CREBRF: variants seen among roughly 807,000 people sequenced by gnomAD.
CREBRF encodes the protein CREB3 regulatory factor, also known as UPF0474 protein C5orf41.
A neutral mutation model predicts 66.1 loss-of-function variants in CREBRF; 5 were observed. The ratio of observed to expected loss-of-function variants is 0.08; its 90% CI spans 0.04 to 0.16. The LOEUF (loss-of-function observed/expected upper bound fraction) is 0.16. Among genes scored for constraint, CREBRF ranks in the 10% least tolerant of loss-of-function variants. The pLI is 1.00. For missense variants in CREBRF, 531 were observed against 744.9 expected (o/e 0.71, Z 3.34); for synonymous variants, 229 against 264.4 (o/e 0.87, Z 1.30).
At position 173,090,610 on chromosome 5, in the gene CREBRF, G is replaced by A. The variant is rs1428554306; in HGVS notation, c.431G>A (p.Ser144Asn). ...SKTPTLAQLN[S>N]EDSQSVSDSL... Reference sequence around the variant, plus strand: ...ACTCCAACTTTAGCTCAACTTAATAGTGAGGACTCACAGTCTGTTTCTGAT... The same window carrying A: ...ACTCCAACTTTAGCTCAACTTAATAATGAGGACTCACAGTCTGTTTCTGAT... The change falls in exon 4 of 9, where the codon AGT becomes AAT. Residue 144 changes from serine (S) to asparagine (N), a missense_variant. Coordinates refer to ENST00000296953, the MANE Select transcript of CREBRF (RefSeq NM_153607.3). The surrounding 1 kb of genome is among the most constrained non-coding windows in gnomAD (Gnocchi z 4.5). 1 of 1,614,148 alleles carries A rather than the reference G, an allele frequency of 6.2e-7. No homozygotes were observed. The highest frequency in any genetic ancestry group is 1.7e-5 in the Admixed American group (1 of 60,014).
chr5:173,091,735 T>C (rs1332403912), intron 4 of CREBRF: 6 of 1,015,478 alleles, frequency 5.9e-6, no homozygotes, highest in African/African-American at 1.7e-5. Flanking sequence ...TGACCTGTTT[T>C]GTCACTCTCT....
intron 4 of CREBRF, among the ~76,000 whole-genome samples, chr5:173,092,655 C>G (rs1758378580): frequency 6.6e-6 from 1 of 152,060 alleles, no homozygotes; most frequent in South Asian, 2.1e-4. Flanking sequence ...GAATTTCAGG[C>G]AGTATAAACA....
chr5:173,079,688 G>A (rs1757875163), intron 1 of CREBRF, among the ~76,000 whole-genome samples: 1 of 152,002 alleles, frequency 6.6e-6, no homozygotes. Flanking sequence ...AACATTGCTG[G>A]TACCCACTCC....
rs148020402 is a variant in CREBRF at position 173,062,206 on chromosome 5, A to G, written c.-192+5727A>G. The stretch of plus-strand genomic sequence containing the variant: ...GCTTGAAACCACTTCTCAAATCTGG[A>G]TTCGATTTTCTCCTGGCTTATTTGT... On this transcript the variant is annotated intron_variant, in intron 1 of 8. Coordinates refer to ENST00000296953, the MANE Select transcript of CREBRF (RefSeq NM_153607.3). Among the ~76,000 whole-genome samples the G allele has an allele frequency of 1.3e-3, 191 of 152,216 alleles. 2 individuals are homozygous for G. In the East Asian group the frequency reaches 0.032, roughly 26 times the overall value.
intron 1 of CREBRF, among the ~76,000 whole-genome samples, chr5:173,073,691 G>A (rs1166171463): frequency 6.6e-6 from 1 of 152,240 alleles, no homozygotes; most frequent in Non-Finnish European, 1.5e-5. Context: ...TTTAGGGCCG[G>A]GCGCAGTGGC....
chr5:173,080,459 A>T, intron 1 of CREBRF, 126 bp from the exon 2 acceptor site: 2 of 335,376 alleles, frequency 6.0e-6, no homozygotes, highest in Non-Finnish European at 1.1e-5. Context: ...TAACTCAACC[A>T]TAAGACTTAC....
Position 173,134,322 on chromosome 5 carries a change from G to GAA in CREBRF, c.*585_*586dup. ...CACACACAAATGTCTGTGCAAGTAAGAAAAAAAAAGCATATTCTTTGTGCC... is the reference window on the plus strand; with the variant it reads ...CACACACAAATGTCTGTGCAAGTAAGAAAAAAAAAAAGCATATTCTTTGTGCC... On this transcript the variant is annotated 3_prime_UTR_variant, in exon 9 of 9. Coordinates refer to ENST00000296953, the MANE Select transcript of CREBRF (RefSeq NM_153607.3). 9.0e-6 allele frequency: 2 copies of GAA among 223,368 alleles called. No individual in the cohort carries two copies. The highest frequency in any genetic ancestry group is 5.3e-5 in the South Asian group (1 of 18,916). The allele number at this position is 223,368 out of a possible 1,614,324, so 13.8% of individuals were successfully genotyped here.
At chr5:173,077,502 C>T (rs1024774356) in intron 1 of CREBRF, among the ~76,000 whole-genome samples, 1 of 152,084 alleles carries the variant, frequency 6.6e-6, no homozygotes, top group Admixed American at 6.6e-5. Flanking sequence ...AAGCGATTCT[C>T]CTGCCTCAGC....
At chr5:173,104,989 A>C (rs1561810081) in intron 4 of CREBRF, among the ~76,000 whole-genome samples, 1 of 152,144 alleles carries the variant, frequency 6.6e-6, no homozygotes, top group Admixed American at 6.5e-5. Flanking sequence ...GGCACAAGAA[A>C]AGTGGGAAGC....
Position 173,137,720 on chromosome 5 carries a change from T to G in CREBRF, c.*3975T>G, listed in dbSNP as rs987923453. 3 of 151,978 alleles carry G rather than the reference T, an allele frequency of 2.0e-5. No homozygotes were observed. The highest frequency in any genetic ancestry group is 2.9e-5 in the Non-Finnish European group (2 of 67,932). The allele number at this position is 151,978 out of a possible 1,614,324, so 9.4% of individuals were successfully genotyped here. On this transcript the variant is annotated 3_prime_UTR_variant, in exon 9 of 9. Coordinates refer to ENST00000296953, the MANE Select transcript of CREBRF (RefSeq NM_153607.3). ...ATATAATATTCATACAATGATCTGA[T>G]GTTTGCCTTCATTAATAAAGCTGTT... is the stretch of plus-strand genomic sequence containing the variant.
chr5:173,058,784 CTCTTTTTTTTTTT>C (rs1757161054), intron 1 of CREBRF, among the ~76,000 whole-genome samples: 1 of 133,290 alleles, frequency 7.5e-6, no homozygotes, highest in Non-Finnish European at 1.6e-5. Context: ...CGCGCCCAGC[CTCTTTTTTTTTTT>C]TTTTTTTTTT....
intron 4 of CREBRF, among the ~76,000 whole-genome samples, chr5:173,094,571 AT>A (rs1476142733): frequency 1.3e-5 from 2 of 152,014 alleles, no homozygotes; most frequent in Non-Finnish European, 2.9e-5. Context: ...CTTGTTGGCC[AT>A]TTGGATGTCT....
chr5:173,082,013 T>TTTTTTTTTTTTTTTTTTG (rs1561798850), intron 2 of CREBRF, among the ~76,000 whole-genome samples: 22 of 123,630 alleles, frequency 1.8e-4, no homozygotes, highest in South Asian at 9.3e-4. Context: ...GTTTTTTTTT[T>TTTTTTTTTTTTTTTTTTG]TTTTTTTTTT....
intron 7 of CREBRF, among the ~76,000 whole-genome samples, chr5:173,115,852 C>T (rs1176504026): frequency 6.0e-5 from 9 of 150,910 alleles, no homozygotes; most frequent in Non-Finnish European, 1.3e-4. Context: ...CCTCGTGATC[C>T]GCCCGCCTCG....
chr5:173,103,269 T>A (rs1758672083), intron 4 of CREBRF, among the ~76,000 whole-genome samples: 1 of 152,216 alleles, frequency 6.6e-6, no homozygotes, highest in African/African-American at 2.4e-5. Context: ...AAAACCCTTT[T>A]GGTTAATATT....
chr5:173,101,587 C>G (rs1361052652), intron 4 of CREBRF, among the ~76,000 whole-genome samples: 2 of 150,592 alleles, frequency 1.3e-5, no homozygotes, highest in Non-Finnish European at 1.5e-5. Flanking sequence ...TCTTGCCACT[C>G]TGTCGCCCAG....
chr5:173,067,074 A>G (rs979851585), intron 1 of CREBRF, among the ~76,000 whole-genome samples: 19 of 152,154 alleles, frequency 1.2e-4, no homozygotes, highest in East Asian at 7.7e-4. Context: ...TAGCCTCCCA[A>G]AGTACTGGGA....
chr5:173,118,812 G>A (rs893709573), intron 7 of CREBRF, among the ~76,000 whole-genome samples: 3 of 151,370 alleles, frequency 2.0e-5, no homozygotes, highest in Non-Finnish European at 4.4e-5. Flanking sequence ...GGTCAATTGG[G>A]AGTATTGCTT....
At chr5:173,071,796 C>G (rs1409058638) in intron 1 of CREBRF, among the ~76,000 whole-genome samples, 1 of 151,254 alleles carries the variant, frequency 6.6e-6, no homozygotes, top group East Asian at 2.0e-4. Context: ...TGGCTCATGC[C>G]TGTAATTCCA....
Sources: gnomAD v4.1 joint callset for allele counts (sites outside exome capture counted in the v4.1 genomes callset) on GRCh38, gnomAD v4.1.1 for gene constraint, Gnocchi (gnomAD v3.1) non-coding constraint, MANE v1.5 for transcripts, NCBI Gene and HGNC (gene_info 2026-07-23, HGNC 2026-07-21) for gene names.